Variants in GALNTL5 observed in about 807,000 individuals in gnomAD.
The protein encoded by GALNTL5 is polypeptide N-acetylgalactosaminyltransferase like 5.
GALNTL5 carries 44 observed loss-of-function variants against 51.0 expected under a neutral mutation model. The observed-to-expected ratio is 0.86, with a 90% CI of 0.68 to 1.11. The LOEUF is 1.11. Among genes scored for constraint, GALNTL5 ranks in the 50% least tolerant of loss-of-function variants. The pLI, the probability that GALNTL5 is intolerant of heterozygous loss-of-function variation, is 0.00. For synonymous variants in GALNTL5, 192 were observed against 182.8 expected (o/e 1.05, Z -0.41); for missense variants, 528 against 531.8 (o/e 0.99, Z 0.07).
At chr7:151,960,506 A>G (rs1586799581) in intron 1 of GALNTL5, 1 of 152,250 alleles carries the variant, frequency 6.6e-6, no homozygotes, top group Non-Finnish European at 1.5e-5. Flanking sequence ...TTCGACTAAG[A>G]TTTGCATGGA....
At chr7:152,015,032 C>T (rs182503104) in intron 8 of GALNTL5, among the ~76,000 whole-genome samples, 2 of 152,104 alleles carry the variant, frequency 1.3e-5, no homozygotes, top group Non-Finnish European at 2.9e-5. Context: ...TGAGGGTGGA[C>T]TGTGGGAGGA....
chr7:152,008,747 T>C (rs187573329), intron 7 of GALNTL5, among the ~76,000 whole-genome samples: 26 of 152,176 alleles, frequency 1.7e-4, no homozygotes, highest in East Asian at 5.8e-4. Context: ...TGTTTGTTTG[T>C]TTGCTTGCTT....
intron 3 of GALNTL5, among the ~76,000 whole-genome samples, chr7:151,973,745 G>A (rs1319035255): frequency 6.6e-6 from 1 of 151,704 alleles, no homozygotes; most frequent in Admixed American, 6.6e-5. Flanking sequence ...GGGAAGGCGT[G>A]ATTGGTTTTG....
intron 8 of GALNTL5, among the ~76,000 whole-genome samples, chr7:152,015,729 A>C (rs865830418): frequency 2.6e-5 from 4 of 152,254 alleles, no homozygotes; most frequent in Non-Finnish European, 5.9e-5. Flanking sequence ...GCTGGTCTTG[A>C]GACCGTGTGA....
Position 151,981,325 on chromosome 7 carries a change from C to T in GALNTL5, c.369-1661C>T, listed in dbSNP as rs551833134. On this transcript the variant is annotated intron_variant, in intron 3 of 8. Coordinates refer to ENST00000392800, the MANE Select transcript of GALNTL5 (RefSeq NM_145292.4). ...TACTTACTGCGTGCCAGGCACTGCT[C>T]TAAGTGTTGTAGGCATGTTAATTCA... Among the ~76,000 whole-genome samples the T allele has an allele frequency of 7.2e-5, 11 of 152,240 alleles. No homozygotes were observed. In the South Asian group the frequency reaches 2.1e-3, roughly 29 times the overall value.
intron 6 of GALNTL5, among the ~76,000 whole-genome samples, chr7:152,005,974 G>A (rs2081636908): frequency 6.6e-6 from 1 of 152,210 alleles, no homozygotes; most frequent in African/African-American, 2.4e-5. Flanking sequence ...TAGGATGGAT[G>A]AGAATCACTA....
At chr7:151,973,724 G>A (rs963516698) in intron 3 of GALNTL5, among the ~76,000 whole-genome samples, 2 of 152,148 alleles carry the variant, frequency 1.3e-5, no homozygotes, top group Non-Finnish European at 2.9e-5. Context: ...TTAATACTTC[G>A]GGTGACTGTT....
intron 5 of GALNTL5, among the ~76,000 whole-genome samples, chr7:151,991,302 A>G (rs886372247): frequency 3.3e-5 from 5 of 152,194 alleles, no homozygotes; most frequent in African/African-American, 1.2e-4. Context: ...CATGTTGGTC[A>G]GGCTGGTCTC....
At chr7:151,960,137 A>G (rs1562998568) in intron 1 of GALNTL5, 1 of 152,228 alleles carries the variant, frequency 6.6e-6, no homozygotes, top group Non-Finnish European at 1.5e-5. Flanking sequence ...TTTGCTTTAA[A>G]TTGGTGATTA....
chr7:151,959,891 T>C (rs2080971273), intron 1 of GALNTL5, among the ~76,000 whole-genome samples: 1 of 152,132 alleles, frequency 6.6e-6, no homozygotes, highest in Admixed American at 6.5e-5. Flanking sequence ...AGAGGGTTCC[T>C]GTGGACCTGG....
chr7:152,014,124 C>T (rs1465068007), intron 7 of GALNTL5, among the ~76,000 whole-genome samples: 1 of 152,202 alleles, frequency 6.6e-6, no homozygotes, highest in African/African-American at 2.4e-5. Flanking sequence ...TACTGTGTAA[C>T]TTCTGTGTCA....
intron 5 of GALNTL5, among the ~76,000 whole-genome samples, chr7:151,999,638 A>G (rs964825385): frequency 6.6e-6 from 1 of 152,084 alleles, no homozygotes; most frequent in African/African-American, 2.4e-5. Context: ...CTTGCTAGCC[A>G]TTCGTACATC....
chr7:152,014,885 G>A lies in GALNTL5; in HGVS notation c.1176+92G>A, dbSNP rs148168716. On this transcript the variant is annotated intron_variant, in intron 8 of 8. Transcript: ENST00000392800. ...CTGCTGCTGCCTTTCCAGATCCAGCGTTTGTTCTGGAGGTCATTATCCTAA... is the reference window on the plus strand; with the variant it reads ...CTGCTGCTGCCTTTCCAGATCCAGCATTTGTTCTGGAGGTCATTATCCTAA... The A allele has an allele frequency of 3.4e-4, 414 of 1,233,166 alleles. 3 individuals are homozygous for A. The highest frequency in any genetic ancestry group is 3.0e-4 in the African/African-American group (20 of 66,146). 76.4% of individuals were successfully genotyped at this position (1,233,166 alleles called of 1,614,324 possible). A position where few individuals can be genotyped will look rare whatever the true frequency, so the allele number is the denominator to read the frequency against.
At chr7:152,013,121 T>C (rs11763023) in intron 7 of GALNTL5, among the ~76,000 whole-genome samples, 63,839 of 151,918 alleles carry the variant, frequency 0.42, 14,755 homozygotes, top group African/African-American at 0.61. Flanking sequence ...TGCATGTTCT[T>C]ATTTACAAGT....
chr7:151,957,576 A>G (rs1043318737), intron 1 of GALNTL5, among the ~76,000 whole-genome samples: 1 of 151,864 alleles, frequency 6.6e-6, no homozygotes, highest in African/African-American at 2.4e-5. Flanking sequence ...GAAAAAAAAA[A>G]AGAAAGAAAC....
intron 5 of GALNTL5, chr7:151,995,401 G>A (rs913595195): frequency 5.6e-5 from 6 of 107,274 alleles, no homozygotes; most frequent in African/African-American, 1.5e-4. Flanking sequence ...GCATGGGAGC[G>A]GAAGTGTCAT....
At chr7:151,963,586 T>A (rs9655612) in intron 1 of GALNTL5, among the ~76,000 whole-genome samples, 8,291 of 152,080 alleles carry the variant, frequency 0.055, 297 homozygotes, top group South Asian at 0.088. Flanking sequence ...TTAGTAGAGA[T>A]GGGGTCTCAC....
At chr7:151,965,300 G>A (rs775039220) in intron 1 of GALNTL5, among the ~76,000 whole-genome samples, 3 of 152,140 alleles carry the variant, frequency 2.0e-5, no homozygotes, top group Non-Finnish European at 4.4e-5. Flanking sequence ...AAAATCTCAT[G>A]TGCATTGATG....
chr7:151,976,934 C>T (rs1474112572), intron 3 of GALNTL5, among the ~76,000 whole-genome samples: 1 of 152,100 alleles, frequency 6.6e-6, no homozygotes, highest in Admixed American at 6.5e-5. Context: ...TCCCAAAGTG[C>T]TGGGATTACA....
Sources: gnomAD v4.1 joint callset for allele counts (sites outside exome capture counted in the v4.1 genomes callset) on GRCh38, gnomAD v4.1.1 for gene constraint, MANE v1.5 for transcripts, NCBI Gene and HGNC (gene_info 2026-07-23, HGNC 2026-07-21) for gene names.